Variants in EDIL3 observed in about 807,000 individuals in gnomAD.
EDIL3 encodes the protein EGF-like repeat and discoidin I-like domain-containing protein 3.
EDIL3 carries 37 observed loss-of-function variants against 67.4 expected under a neutral mutation model. The observed-to-expected ratio is 0.55, with a 90% confidence interval of 0.42 to 0.72. EDIL3 has a LOEUF of 0.72. Ranked by LOEUF, EDIL3 falls within the 30% of genes least tolerant of loss-of-function variation. EDIL3 has a pLI of 0.00. For missense variants in EDIL3, 527 were observed against 586.3 expected, an observed-to-expected ratio of 0.90 and a Z score of 1.04; for synonymous variants, 195 against 196.3, an observed-to-expected ratio of 0.99 and a Z score of 0.05.
intron 1 of EDIL3, among the ~76,000 whole-genome samples, chr5:84,309,309 C>CTTTTTTTTTTTTTTTTT (rs1746333742): frequency 2.0e-4 from 20 of 100,650 alleles, no homozygotes; most frequent in Middle Eastern, 6.8e-3. Flanking sequence ...CTTTTTTTTT[C>CTTTTTTTTTTTTTTTTT]TTTGTTTTTT....
chr5:84,207,508 G>A (rs191573513), intron 3 of EDIL3, among the ~76,000 whole-genome samples: 1,582 of 152,204 alleles, frequency 0.01, 33 homozygotes, highest in African/African-American at 0.036. Flanking sequence ...TCCCCATCAA[G>A]CTACCAATGA....
At position 84,171,902 on chromosome 5, in the gene EDIL3, G is replaced by A. The variant is rs1308436399; in HGVS notation, c.355+8491C>T. On this transcript the variant is annotated intron_variant, in intron 4 of 10. Coordinates refer to ENST00000296591, the MANE Select transcript of EDIL3 (RefSeq NM_005711.5). The stretch of plus-strand genomic sequence containing the variant: ...TTATAATGCCCCAGGTGACTCTAAT[G>A]TGTAGCCAAGATTGAAAACCAGAGT... Among the ~76,000 whole-genome samples the A allele has an allele frequency of 2.0e-5, 3 of 152,158 alleles. No homozygotes were observed. In the South Asian group the frequency reaches 6.2e-4, roughly 32 times the overall value.
chr5:84,168,557 C>T (rs1318757895), intron 4 of EDIL3, among the ~76,000 whole-genome samples: 1 of 151,906 alleles, frequency 6.6e-6, no homozygotes, highest in Non-Finnish European at 1.5e-5. Context: ...ATCATAAGAA[C>T]AGTATATTAC....
At chr5:84,121,581 AT>A (rs1443851620) in intron 5 of EDIL3, among the ~76,000 whole-genome samples, 2 of 131,224 alleles carry the variant, frequency 1.5e-5, no homozygotes, top group African/African-American at 6.0e-5. Context: ...ATCTATCTAC[AT>A]TTTTTTTTCA....
intron 3 of EDIL3, among the ~76,000 whole-genome samples, chr5:84,199,174 G>A (rs1043513333): frequency 2.0e-5 from 3 of 151,692 alleles, no homozygotes; most frequent in East Asian, 1.9e-4. Flanking sequence ...CTTTTATACC[G>A]AGACTTCACC....
chr5:84,162,245 C>T (rs930296386), intron 4 of EDIL3, among the ~76,000 whole-genome samples: 9 of 152,224 alleles, frequency 5.9e-5, no homozygotes, highest in African/African-American at 2.2e-4. Context: ...CCCTTGTACC[C>T]ATGGATGTCT....
intron 1 of EDIL3, among the ~76,000 whole-genome samples, chr5:84,290,590 T>A (rs1262141478): frequency 2.6e-5 from 4 of 152,204 alleles, no homozygotes; most frequent in African/African-American, 9.7e-5. Flanking sequence ...AATATTTTTC[T>A]TACCAGAGAT....
At chr5:84,002,026 A>T (rs1261580491) in intron 9 of EDIL3, among the ~76,000 whole-genome samples, 1 of 152,110 alleles carries the variant, frequency 6.6e-6, no homozygotes, top group Non-Finnish European at 1.5e-5. Flanking sequence ...CTGATACAAA[A>T]ATCTTCAAAA....
chr5:84,330,034 A>G (rs1561259248), intron 1 of EDIL3, among the ~76,000 whole-genome samples: 1 of 152,170 alleles, frequency 6.6e-6, no homozygotes, highest in African/African-American at 2.4e-5. Flanking sequence ...AGATATCTAA[A>G]TATCTGAAGT....
At chr5:84,139,145 G>A (rs2112317890) in intron 4 of EDIL3, among the ~76,000 whole-genome samples, 1 of 152,136 alleles carries the variant, frequency 6.6e-6, no homozygotes, top group Non-Finnish European at 1.5e-5. Context: ...ACTGAGGCAA[G>A]AGAATTGCTT....
In EDIL3 at chr5:84,060,396, G is replaced by A. The variant is rs529709769; in HGVS notation, c.1041C>T (p.Asp347=). The A allele has an allele frequency of 1.9e-5, 31 of 1,613,820 alleles. No homozygotes were observed. The Middle Eastern group carries it at 5.0e-4, about 26-fold the overall frequency. The change falls in exon 9 of 11, where the codon GAC becomes GAT. Residue 347 remains aspartate, a synonymous_variant. Coordinates refer to ENST00000296591, the MANE Select transcript of EDIL3 (RefSeq NM_005711.5). The stretch of plus-strand genomic sequence containing the variant: ...CTTTCCTTGGTTCCCAAGTGAACAT[G>A]TCCATGTTGAGCGTTCTGAAGATGC... ...ASSIFRTLNM[D]MFTWEPRKAR...
chr5:84,241,591 A>T (rs182587020), intron 2 of EDIL3, among the ~76,000 whole-genome samples: 1 of 152,066 alleles, frequency 6.6e-6, no homozygotes, highest in Admixed American at 6.5e-5. Flanking sequence ...AAATGAAGTG[A>T]TTTGTCAAAT....
intron 1 of EDIL3, among the ~76,000 whole-genome samples, chr5:84,315,513 C>A (rs950739391): frequency 6.6e-6 from 1 of 152,096 alleles, no homozygotes; most frequent in East Asian, 1.9e-4. Flanking sequence ...GATTTAACAC[C>A]TCATTGATTT....
intron 2 of EDIL3, among the ~76,000 whole-genome samples, chr5:84,252,164 A>G (rs970854780): frequency 2.6e-5 from 4 of 152,108 alleles, no homozygotes; most frequent in Middle Eastern, 3.2e-3. Context: ...TTAATATTTA[A>G]AAGTATAGCC....
chr5:84,357,995 G>T (rs1431457631), intron 1 of EDIL3, among the ~76,000 whole-genome samples: 1 of 151,902 alleles, frequency 6.6e-6, no homozygotes, highest in Non-Finnish European at 1.5e-5. Context: ...AGAATTAGTG[G>T]TAGTCGCCAC....
At chr5:83,971,562 G>T (rs1022474295) in intron 9 of EDIL3, among the ~76,000 whole-genome samples, 4 of 151,144 alleles carry the variant, frequency 2.6e-5, no homozygotes, top group Non-Finnish European at 5.9e-5. Context: ...AAATTTGGTT[G>T]TTTTTTTTAT....
intron 4 of EDIL3, among the ~76,000 whole-genome samples, chr5:84,176,283 T>C (rs1165907438): frequency 1.3e-5 from 1 of 78,088 alleles, no homozygotes; most frequent in African/African-American, 4.8e-5. Context: ...ATAAAATATA[T>C]TATATATAAA....
chr5:84,107,233 T>C (rs1336707242), intron 5 of EDIL3, among the ~76,000 whole-genome samples: 1 of 152,126 alleles, frequency 6.6e-6, no homozygotes, highest in Admixed American at 6.6e-5. Context: ...ATTATTTCTT[T>C]ATTATCATAA....
chr5:84,117,035 T>TTTTTTTTTTG lies in EDIL3; in HGVS notation c.470-10206_470-10205insCAAAAAAAAA, dbSNP rs1561436264. 5.0e-5 allele frequency among the ~76,000 whole-genome samples: 7 copies of TTTTTTTTTTG among 139,480 alleles called. No homozygotes were observed. In the Admixed American group the frequency reaches 5.1e-4, roughly 10 times the overall value. 91.5% of individuals were successfully genotyped at this position (139,480 alleles called of 152,430 possible). On this transcript the variant is annotated intron_variant, in intron 5 of 10. Coordinates refer to ENST00000296591, the MANE Select transcript of EDIL3 (RefSeq NM_005711.5). ...TTAAGTACTTATTTTTTTTTTTTTT[T>TTTTTTTTTTG]TTTTTTTTTTGAGACGGAGTCTCGC... is the stretch of plus-strand genomic sequence containing the variant.
Sources: gnomAD v4.1 joint callset for allele counts (sites outside exome capture counted in the v4.1 genomes callset) on GRCh38, gnomAD v4.1.1 for gene constraint, MANE v1.5 for transcripts, NCBI Gene and HGNC (gene_info 2026-07-23, HGNC 2026-07-21) for gene names.